CDH22: variants seen among roughly 807,000 people sequenced by gnomAD.
The protein encoded by CDH22 is cadherin-22.
CDH22 carries 30 observed loss-of-function variants against 58.4 expected under a neutral mutation model. That is an observed-to-expected ratio of 0.51 (90% confidence interval 0.38 to 0.70). CDH22 has a LOEUF of 0.70. Ranked by LOEUF, CDH22 falls within the 30% of genes least tolerant of loss-of-function variation. The pLI is 0.00. For synonymous variants in CDH22, 513 were observed against 558.2 expected (o/e 0.92, Z 1.14); for missense variants, 1,014 against 1,233.9 (o/e 0.82, Z 2.67).
chr20:46,210,173 C>T lies in CDH22; in HGVS notation c.1286+134G>A. ...CTCTCCACCCGTGCGCCTCTCTCCGCGCCTCCCTCCCCCACGCAGCCCCTT... is the reference window on the plus strand; with the variant it reads ...CTCTCCACCCGTGCGCCTCTCTCCGTGCCTCCCTCCCCCACGCAGCCCCTT... On this transcript the variant is annotated intron_variant, in intron 7 of 11. Transcript: ENST00000537909. The surrounding 1 kb of genome is among the most constrained non-coding windows in gnomAD (Gnocchi z 4.5). 3 of 941,328 alleles carry T rather than the reference C, an allele frequency of 3.2e-6. No individual in the cohort carries two copies. The highest frequency in any genetic ancestry group is 4.3e-6 in the Non-Finnish European group (3 of 694,258). The allele number at this position is 941,328 out of a possible 1,614,324, so 58.3% of individuals were successfully genotyped here.
At chr20:46,298,435 G>T (rs192775350) in intron 1 of CDH22, among the ~76,000 whole-genome samples, 1 of 152,210 alleles carries the variant, frequency 6.6e-6, no homozygotes, top group African/African-American at 2.4e-5. Context: ...GGAGAAGTTG[G>T]TAGATTCTGA....
At chr20:46,227,657 G>T (rs1322480989) in intron 3 of CDH22, 30 bp from the exon 4 acceptor site, 1 of 1,594,504 alleles carries the variant, frequency 6.3e-7, no homozygotes, top group Non-Finnish European at 8.5e-7. Flanking sequence ...CGAGACAGGG[G>T]TCATCTGGGG....
chr20:46,296,488 T>C (rs1466327364), intron 1 of CDH22, among the ~76,000 whole-genome samples: 10 of 152,214 alleles, frequency 6.6e-5, no homozygotes, highest in Admixed American at 5.9e-4. Flanking sequence ...ATTATTCCTG[T>C]CCTCAATGGA....
At chr20:46,288,953 A>G (rs1367747664) in intron 1 of CDH22, among the ~76,000 whole-genome samples, 1 of 152,180 alleles carries the variant, frequency 6.6e-6, no homozygotes, top group Non-Finnish European at 1.5e-5. Context: ...ATCAGGCCGT[A>G]ACACTCCTTC....
chr20:46,210,347 C>T lies in CDH22; in HGVS notation c.1246G>A (p.Val416Met). Residue 416 changes from valine (V) to methionine (M), a missense_variant, in exon 7 of 12, where the codon GTG (valine) becomes ATG (methionine). Val to Met is a conservative substitution (Grantham distance 21). This residue lies in a region of CDH22 where 806 missense variants were observed against 1,038.7 expected (regional missense o/e 0.78). Transcript: ENST00000537909. The surrounding 1 kb of genome is among the most constrained non-coding windows in gnomAD (Gnocchi z 4.5). ...GCGGCGTCGGGGTCCCGCGCCGTCA[C>T]CACGCCGACCAGGGAGCCCACCTGC... Reference protein sequence around the residue: ...DAQVGSLVGVVTARDPDAANR... With the variant: ...DAQVGSLVGVMTARDPDAANR... 1 of 1,466,362 alleles carries T rather than the reference C, an allele frequency of 6.8e-7. No individual in the cohort carries two copies. Among genetic ancestry groups the T allele is most frequent in the Non-Finnish European group, 9.0e-7 (1 of 1,112,982 alleles). 90.8% of individuals were successfully genotyped at this position (1,466,362 alleles called of 1,614,324 possible).
At chr20:46,179,499 A>G (rs1028979902) in intron 10 of CDH22, among the ~76,000 whole-genome samples, 2 of 152,198 alleles carry the variant, frequency 1.3e-5, no homozygotes, top group Non-Finnish European at 2.9e-5. Context: ...GGCACATCTC[A>G]GAAGTGGACT....
chr20:46,254,346 G>A (rs901616416), intron 1 of CDH22, among the ~76,000 whole-genome samples: 1 of 152,088 alleles, frequency 6.6e-6, no homozygotes, highest in African/African-American at 2.4e-5. Flanking sequence ...CTTTAGGTCA[G>A]GAGTTCGAGA....
chr20:46,221,986 G>A (rs1392779223), intron 4 of CDH22, among the ~76,000 whole-genome samples: 2 of 152,164 alleles, frequency 1.3e-5, no homozygotes, highest in Non-Finnish European at 2.9e-5. Flanking sequence ...AGGACTCTGG[G>A]GCCAGACAGA....
chr20:46,181,752 C>CTTCCTTCCTTCGTTCGTTCCTTCTTTCT, intron 10 of CDH22, among the ~76,000 whole-genome samples: 13 of 26,246 alleles, frequency 5.0e-4, no homozygotes, highest in Middle Eastern at 0.014. Context: ...TCCTTCCTTC[C>CTTCCTTCCTTCGTTCGTTCCTTCTTTCT]TTCTTTCTTT....
At position 46,241,113 on chromosome 20, in the gene CDH22, T is replaced by C. The variant is rs1431052006; in HGVS notation, c.400A>G (p.Thr134Ala). Residue 134 changes from threonine (T) to alanine (A), a missense_variant, in exon 3 of 12, where the codon ACG becomes GCG. Transcript: ENST00000537909. This position sits in a 1 kb window ranked among gnomAD's most constrained non-coding sequence, Gnocchi z 5.2. Reference protein sequence around the residue: ...RLDREQKTFYTLRAQARDRAT... With the variant: ...RLDREQKTFYALRAQARDRAT... ...CGATCCCGAGCCTGGGCCCGCAGCG[T>C]GTAGAAGGTTTTCTGCTCGCGGTCC... is the stretch of plus-strand genomic sequence containing the variant. The C allele has an allele frequency of 6.2e-7, 1 of 1,614,132 alleles. No homozygotes were observed. Among genetic ancestry groups the C allele is most frequent in the Admixed American group, 1.7e-5 (1 of 60,022 alleles).
At chr20:46,189,277 G>A (rs1035247464) in intron 8 of CDH22, among the ~76,000 whole-genome samples, 2 of 152,220 alleles carry the variant, frequency 1.3e-5, no homozygotes, top group Admixed American at 6.5e-5. Flanking sequence ...GATGGGAGTC[G>A]TGACTGGGAA....
chr20:46,231,304 C>T (rs574335056), intron 3 of CDH22, among the ~76,000 whole-genome samples: 1 of 152,290 alleles, frequency 6.6e-6, no homozygotes, highest in African/African-American at 2.4e-5. Flanking sequence ...TTGAAGAGCA[C>T]AGAAATCAGA....
intron 3 of CDH22, among the ~76,000 whole-genome samples, chr20:46,235,629 C>A (rs1400226817): frequency 1.3e-5 from 2 of 152,218 alleles, no homozygotes; most frequent in Non-Finnish European, 2.9e-5. Context: ...CATTCAGTTG[C>A]TCAGGCCCAA....
intron 3 of CDH22, among the ~76,000 whole-genome samples, chr20:46,239,594 C>T (rs1341310696): frequency 1.3e-5 from 2 of 152,258 alleles, no homozygotes; most frequent in East Asian, 3.8e-4. Flanking sequence ...CTCCTGGCCT[C>T]TGACACGCAG....
chr20:46,202,801 C>G (rs1024822450), intron 7 of CDH22, among the ~76,000 whole-genome samples: 1 of 152,222 alleles, frequency 6.6e-6, no homozygotes, highest in African/African-American at 2.4e-5. Flanking sequence ...TCTTGAGCAT[C>G]ATCAGCTCAG....
intron 2 of CDH22, among the ~76,000 whole-genome samples, chr20:46,246,974 G>A (rs187664729): frequency 1.1e-3 from 162 of 151,644 alleles, no homozygotes; most frequent in Non-Finnish European, 1.9e-3. Flanking sequence ...CAGCTGGAAA[G>A]GGGACAGGTG....
chr20:46,211,611 G>A (rs1185413495), intron 6 of CDH22, among the ~76,000 whole-genome samples: 4 of 152,130 alleles, frequency 2.6e-5, no homozygotes, highest in Non-Finnish European at 5.9e-5. Flanking sequence ...GCTGGGGGTG[G>A]GGGAGATTAA....
At chr20:46,292,626 C>G (rs1177368638) in intron 1 of CDH22, among the ~76,000 whole-genome samples, 3 of 152,146 alleles carry the variant, frequency 2.0e-5, no homozygotes, top group African/African-American at 7.2e-5. Context: ...CAAGTCACTG[C>G]CCCTCTCCAG....
chr20:46,303,845 C>T (rs1221411539), intron 1 of CDH22, among the ~76,000 whole-genome samples: 1 of 152,116 alleles, frequency 6.6e-6, no homozygotes. Context: ...GGGTTTTAAT[C>T]AAGCCAGTGA....
Sources: allele counts gnomAD v4.1 joint callset (sites outside exome capture counted in the v4.1 genomes callset), GRCh38; gene constraint gnomAD v4.1.1; regional missense constraint gnomAD v4.1.1; non-coding constraint Gnocchi (gnomAD v3.1); transcripts MANE v1.5; gene names NCBI Gene and HGNC (gene_info 2026-07-23, HGNC 2026-07-21).